The following SLC14A2 variants were observed in gnomAD, a reference collection of about 807,000 sequenced individuals.
SLC14A2 encodes the protein urea transporter 2.
A neutral mutation model predicts 104.6 loss-of-function variants in SLC14A2; 91 were observed. That is an observed-to-expected ratio of 0.87 (90% CI 0.73 to 1.04). The LOEUF is 1.04. SLC14A2 is among the 50% of genes least tolerant of loss of function. The pLI, the probability that SLC14A2 is intolerant of heterozygous loss-of-function variation, is 0.00. For synonymous variants in SLC14A2, 476 were observed against 466.4 expected (o/e 1.02, Z -0.27); for missense variants, 1,189 against 1,156.0 (o/e 1.03, Z -0.41).
intron 2 of SLC14A2, among the ~76,000 whole-genome samples, chr18:45,594,450 A>T (rs2044694655): frequency 6.6e-6 from 1 of 152,186 alleles, no homozygotes; most frequent in Non-Finnish European, 1.5e-5. Context: ...AACTTCAATG[A>T]TCACCTGCCA....
chr18:45,634,232 A>G (rs1247605762), intron 5 of SLC14A2, among the ~76,000 whole-genome samples: 3 of 152,222 alleles, frequency 2.0e-5, no homozygotes, highest in African/African-American at 7.2e-5. Context: ...CATTCAATAA[A>G]CAAATATCTG....
chr18:45,574,403 G>A (rs1453869812), intron 2 of SLC14A2, among the ~76,000 whole-genome samples: 1 of 152,164 alleles, frequency 6.6e-6, no homozygotes, highest in Non-Finnish European at 1.5e-5. Flanking sequence ...CCTATAGACT[G>A]GAGCAGCCAT....
intron 2 of SLC14A2, among the ~76,000 whole-genome samples, chr18:45,593,486 C>CTTTTTTTTTTTTTTTTTTTTT (rs1172271684): frequency 2.3e-5 from 2 of 88,788 alleles, no homozygotes; most frequent in African/African-American, 9.4e-5. Context: ...TTTCCTTAAT[C>CTTTTTTTTTTTTTTTTTTTTT]TTTTTTTTTT....
intron 2 of SLC14A2, among the ~76,000 whole-genome samples, chr18:45,541,953 T>G (rs1303301173): frequency 1.3e-5 from 2 of 150,126 alleles, no homozygotes; most frequent in Non-Finnish European, 3.0e-5. Context: ...GACAGAGACC[T>G]CTTGCTGACA....
chr18:45,361,222 G>A (rs1210672942), intron 1 of SLC14A2, among the ~76,000 whole-genome samples: 1 of 152,128 alleles, frequency 6.6e-6, no homozygotes, highest in African/African-American at 2.4e-5. Context: ...TCCCTTATTT[G>A]CGTAATAAAC....
At chr18:45,468,371 T>C (rs1419432940) in intron 1 of SLC14A2, among the ~76,000 whole-genome samples, 1 of 151,956 alleles carries the variant, frequency 6.6e-6, no homozygotes, top group Non-Finnish European at 1.5e-5. Context: ...CAAAAATCAA[T>C]GCTTTCAAAA....
chr18:45,228,517 T>A (rs566021898), intron 1 of SLC14A2, among the ~76,000 whole-genome samples: 5 of 152,150 alleles, frequency 3.3e-5, no homozygotes, highest in African/African-American at 1.2e-4. Context: ...ACAGAGTTCA[T>A]GTCCAGGTGA....
rs2046069631 is a variant in SLC14A2 at position 45,668,443 on chromosome 18, C to A, written c.2002C>A (p.Leu668Met). The part of the protein sequence containing the change: ...FSDKGDYYWW[L>M]LLPVIIMSMS... ...AGACAAAGGTGACTACTACTGGTGGCTGTTGCTACCCGTCATCATCATGTC... is the reference window on the plus strand; with the variant it reads ...AGACAAAGGTGACTACTACTGGTGGATGTTGCTACCCGTCATCATCATGTC... Residue 668 changes from leucine to methionine, a missense_variant, in exon 15 of 20, where the codon CTG (leucine) becomes ATG (methionine). Physicochemically the swap from Leu to Met is conservative, Grantham distance 15. Coordinates refer to ENST00000255226, the MANE Select transcript of SLC14A2 (RefSeq NM_007163.4). 6.2e-7 allele frequency: 1 copy of A among 1,614,164 alleles called. No homozygotes were observed. The highest frequency in any genetic ancestry group is 1.3e-5 in the African/African-American group (1 of 75,036).
At chr18:45,464,678 G>T (rs1411046029) in intron 1 of SLC14A2, among the ~76,000 whole-genome samples, 1 of 152,194 alleles carries the variant, frequency 6.6e-6, no homozygotes, top group Non-Finnish European at 1.5e-5. Flanking sequence ...TTGCAAATCT[G>T]CCCACTGTCA....
At chr18:45,329,801 G>A (rs776552144) in intron 1 of SLC14A2, among the ~76,000 whole-genome samples, 2 of 152,172 alleles carry the variant, frequency 1.3e-5, no homozygotes, top group Admixed American at 1.3e-4. Flanking sequence ...TACTATACAT[G>A]CATGGAGCCA....
intron 10 of SLC14A2, among the ~76,000 whole-genome samples, chr18:45,652,093 TA>T (rs1026744326): frequency 6.6e-6 from 1 of 152,256 alleles, no homozygotes; most frequent in African/African-American, 2.4e-5. Context: ...TGTATGAGCC[TA>T]AACTTTGTTT....
In SLC14A2 at chr18:45,662,580, G is replaced by C. The variant is rs187304181; in HGVS notation, c.1352-1205G>C. 1.8e-3 allele frequency among the ~76,000 whole-genome samples: 275 copies of C among 152,254 alleles called. 1 individual carries two copies. The highest frequency in any genetic ancestry group is 5.7e-3 in the African/African-American group (235 of 41,548). On this transcript the variant is annotated intron_variant, in intron 10 of 19. Transcript: ENST00000255226. Reference sequence around the variant, plus strand: ...AACCAGACTGAGTAGCAAAAATGCAGAGAAAAGGATTGGGAGCTGAGTCAT... The same window carrying C: ...AACCAGACTGAGTAGCAAAAATGCACAGAAAAGGATTGGGAGCTGAGTCAT...
chr18:45,271,750 A>G (rs893312207), intron 1 of SLC14A2, among the ~76,000 whole-genome samples: 2 of 152,186 alleles, frequency 1.3e-5, no homozygotes, highest in African/African-American at 4.8e-5. Flanking sequence ...ATTCAATGCA[A>G]TCCCTATCAA....
chr18:45,441,893 A>C (rs1281120867), intron 1 of SLC14A2, among the ~76,000 whole-genome samples: 1 of 152,184 alleles, frequency 6.6e-6, no homozygotes, highest in African/African-American at 2.4e-5. Flanking sequence ...ATCCCTTGGC[A>C]TTTGATTTGG....
chr18:45,255,714 A>T (rs2084470308), intron 1 of SLC14A2, among the ~76,000 whole-genome samples: 1 of 152,136 alleles, frequency 6.6e-6, no homozygotes, highest in Non-Finnish European at 1.5e-5. Context: ...CAGGTCTGAG[A>T]TTTCATTCCT....
chr18:45,381,882 T>C (rs1051899290), intron 1 of SLC14A2, among the ~76,000 whole-genome samples: 1 of 151,896 alleles, frequency 6.6e-6, no homozygotes, highest in Non-Finnish European at 1.5e-5. Flanking sequence ...GAGAACCATT[T>C]TACATGCAGT....
chr18:45,329,698 G>T (rs2085270670), intron 1 of SLC14A2, among the ~76,000 whole-genome samples: 1 of 152,154 alleles, frequency 6.6e-6, no homozygotes, highest in Non-Finnish European at 1.5e-5. Flanking sequence ...GTCTAGAAGT[G>T]CATCTTTCTC....
intron 2 of SLC14A2, among the ~76,000 whole-genome samples, chr18:45,605,596 G>T (rs1033258520): frequency 3.9e-5 from 6 of 152,148 alleles, no homozygotes; most frequent in African/African-American, 1.4e-4. Flanking sequence ...TCTGAGTTAA[G>T]GTTGCAGCCT....
intron 2 of SLC14A2, among the ~76,000 whole-genome samples, chr18:45,602,875 T>C (rs1299375133): frequency 6.6e-6 from 1 of 152,244 alleles, no homozygotes; most frequent in African/African-American, 2.4e-5. Flanking sequence ...CTCAAATATC[T>C]GTCAGCACAA....
Sources: gnomAD v4.1 joint callset for allele counts (sites outside exome capture counted in the v4.1 genomes callset) on GRCh38, gnomAD v4.1.1 for gene constraint, MANE v1.5 for transcripts, NCBI Gene and HGNC (gene_info 2026-07-23, HGNC 2026-07-21) for gene names.